Variants in GRB14 observed in about 807,000 individuals in gnomAD.
GRB14 encodes the protein growth factor receptor-bound protein 14.
Under a neutral mutation model 69.1 loss-of-function variants are expected in GRB14, and 38 were observed. The observed-to-expected ratio is 0.55, with a 90% CI of 0.42 to 0.72. GRB14 has a LOEUF of 0.72. Ranked by LOEUF, GRB14 falls within the 30% of genes least tolerant of loss-of-function variation. GRB14 has a pLI of 0.00. For missense variants in GRB14, 666 were observed against 666.1 expected (o/e 1.00, Z 0.00); for synonymous variants, 247 against 241.3 (o/e 1.02, Z -0.22).
At chr2:164,546,315 C>A (rs374245334) in intron 3 of GRB14, among the ~76,000 whole-genome samples, 2 of 152,138 alleles carry the variant, frequency 1.3e-5, no homozygotes, top group Non-Finnish European at 2.9e-5. Context: ...ATTCATAATT[C>A]TTTTCTATTT....
intron 2 of GRB14, among the ~76,000 whole-genome samples, chr2:164,554,000 T>G (rs1364309784): frequency 2.0e-5 from 3 of 152,098 alleles, no homozygotes; most frequent in Non-Finnish European, 4.4e-5. Context: ...AACTGAAGCC[T>G]TAACTCTCTA....
At chr2:164,593,852 G>A (rs146342758) in intron 2 of GRB14, among the ~76,000 whole-genome samples, 71 of 152,248 alleles carry the variant, frequency 4.7e-4, no homozygotes, top group African/African-American at 1.3e-3. Context: ...ACTGTTTTAC[G>A]TTTCTTGGGA....
chr2:164,584,499 C>T (rs186087216), intron 2 of GRB14, among the ~76,000 whole-genome samples: 94 of 151,804 alleles, frequency 6.2e-4, no homozygotes, highest in African/African-American at 2.1e-3. Flanking sequence ...CATTAATATA[C>T]ACTTGAAAAC....
chr2:164,539,644 A>T (rs1003455342), intron 3 of GRB14: 1 of 152,164 alleles, frequency 6.6e-6, no homozygotes, highest in African/African-American at 2.4e-5. Flanking sequence ...CGATAGTAGC[A>T]TATGTATTCA....
intron 2 of GRB14, among the ~76,000 whole-genome samples, chr2:164,565,382 G>A (rs1292793949): frequency 2.6e-5 from 4 of 152,158 alleles, no homozygotes; most frequent in Non-Finnish European, 5.9e-5. Flanking sequence ...TGCAGAGGAA[G>A]ATGAAAGGAT....
intron 2 of GRB14, among the ~76,000 whole-genome samples, chr2:164,598,432 T>C (rs1406529470): frequency 1.3e-5 from 2 of 152,230 alleles, no homozygotes; most frequent in African/African-American, 4.8e-5. Flanking sequence ...AGCATACATC[T>C]GTGCACATGA....
At chr2:164,566,921 T>C (rs1392583169) in intron 2 of GRB14, among the ~76,000 whole-genome samples, 2 of 151,824 alleles carry the variant, frequency 1.3e-5, no homozygotes, top group Admixed American at 1.3e-4. Flanking sequence ...AAATGGAGAG[T>C]CCAGATAGTA....
intron 2 of GRB14, among the ~76,000 whole-genome samples, chr2:164,612,698 T>G (rs1022800968): frequency 6.6e-6 from 1 of 152,222 alleles, no homozygotes; most frequent in African/African-American, 2.4e-5. Context: ...TTTATATTAA[T>G]TAAAATCCAC....
chr2:164,503,890 T>G (rs1284663484), intron 8 of GRB14, among the ~76,000 whole-genome samples: 1 of 152,134 alleles, frequency 6.6e-6, no homozygotes, highest in Non-Finnish European at 1.5e-5. Context: ...CCTCTGTGCT[T>G]CTGAAGGTCT....
chr2:164,508,730 T>C lies in GRB14; in HGVS notation c.927+12A>G, dbSNP rs1360667885. 4 of 1,564,632 alleles carry C rather than the reference T, an allele frequency of 2.6e-6. No individual in the cohort carries two copies. Among genetic ancestry groups the C allele is most frequent in the Non-Finnish European group, 3.5e-6 (4 of 1,157,520 alleles). ...CTTGCTTTATTCATCTATCAAAATA[T>C]TAAGCCTGTACCTTAAAGCAGAATC... On this transcript the variant is annotated intron_variant, in intron 7 of 13. Coordinates refer to ENST00000263915, the MANE Select transcript of GRB14 (RefSeq NM_004490.3).
At chr2:164,542,340 G>T (rs539635894) in intron 3 of GRB14, among the ~76,000 whole-genome samples, 1 of 152,282 alleles carries the variant, frequency 6.6e-6, no homozygotes, top group East Asian at 1.9e-4. Flanking sequence ...CAACAGCCTT[G>T]AGGAAGAATT....
rs374844596 is a variant in GRB14 at position 164,522,067 on chromosome 2, C to T, written c.729G>A (p.Ala243=). ...TCCAAGACTTCTTTCCCTGTTCTTT[C>T]GCATGTAAGAAACCATGAATTTCAG... is the stretch of plus-strand genomic sequence containing the variant. ...TYPEIHGFLH[A]KEQGKKSWKK... Residue 243 remains alanine, a synonymous_variant, in exon 6 of 14, where the codon GCG becomes GCA. Coordinates refer to ENST00000263915, the MANE Select transcript of GRB14 (RefSeq NM_004490.3). 6.3e-5 allele frequency: 101 copies of T among 1,602,788 alleles called. No individual in the cohort carries two copies. The highest frequency in any genetic ancestry group is 2.9e-4 in the East Asian group (13 of 44,674).
chr2:164,594,258 G>C (rs1440684534), intron 2 of GRB14, among the ~76,000 whole-genome samples: 3 of 152,114 alleles, frequency 2.0e-5, no homozygotes, highest in Non-Finnish European at 1.5e-5. Context: ...TATTTGCCCT[G>C]GATGCAGGAA....
chr2:164,573,939 A>C, intron 2 of GRB14: 1 of 1,612,782 alleles, frequency 6.2e-7, no homozygotes, highest in Non-Finnish European at 8.5e-7. Context: ...GTCTCACCCT[A>C]TCAGCAAGTG....
chr2:164,573,824 A>G, intron 2 of GRB14: 1 of 1,612,834 alleles, frequency 6.2e-7, no homozygotes. Flanking sequence ...ATTGAACATG[A>G]CTCCAGAAGA....
intron 2 of GRB14, among the ~76,000 whole-genome samples, chr2:164,555,158 TCTC>T (rs1175016659): frequency 6.6e-6 from 1 of 152,178 alleles, no homozygotes; most frequent in Admixed American, 6.5e-5. Context: ...AGTCAGCCTT[TCTC>T]CTCCTCCTTG....
intron 2 of GRB14, among the ~76,000 whole-genome samples, chr2:164,618,275 CTT>C (rs148304939): frequency 3.4e-5 from 5 of 145,956 alleles, no homozygotes; most frequent in Admixed American, 1.4e-4. Flanking sequence ...CACCCGGCCT[CTT>C]TTTTTTTTTT....
intron 6 of GRB14, among the ~76,000 whole-genome samples, chr2:164,518,670 A>G (rs570901509): frequency 6.6e-6 from 1 of 152,292 alleles, no homozygotes; most frequent in African/African-American, 2.4e-5. Context: ...AAGGTCAATT[A>G]GAAATGAAAC....
chr2:164,592,523 AC>A (rs1689690544), intron 2 of GRB14, among the ~76,000 whole-genome samples: 1 of 152,138 alleles, frequency 6.6e-6, no homozygotes, highest in African/African-American at 2.4e-5. Context: ...GCCAGCTCTG[AC>A]ATGGAGGCCC....
Sources: allele counts gnomAD v4.1 joint callset (sites outside exome capture counted in the v4.1 genomes callset), GRCh38; gene constraint gnomAD v4.1.1; transcripts MANE v1.5; gene names NCBI Gene and HGNC (gene_info 2026-07-23, HGNC 2026-07-21).